Variants in PUS7 observed in about 807,000 individuals in gnomAD.
The protein encoded by PUS7 is pseudouridine synthase 7, also known as pseudouridylate synthase 7 homolog.
A neutral mutation model predicts 79.8 loss-of-function variants in PUS7; 48 were observed. That is an observed-to-expected ratio of 0.60 (90% CI 0.48 to 0.76). The LOEUF (loss-of-function observed/expected upper bound fraction) is 0.76, where lower values mean the gene tolerates loss of function less well. Ranked by LOEUF, PUS7 falls within the 30% of genes least tolerant of loss-of-function variation. The pLI is 0.00. For missense variants in PUS7, 729 were observed against 797.6 expected, an observed-to-expected ratio of 0.91 and a Z score of 1.04; for synonymous variants, 286 against 272.2, an observed-to-expected ratio of 1.05 and a Z score of -0.50.
chr7:105,468,087 C>T (rs113870514), intron 12 of PUS7, among the ~76,000 whole-genome samples: 33 of 152,192 alleles, frequency 2.2e-4, no homozygotes, highest in Non-Finnish European at 3.5e-4. Context: ...CATGCACCAC[C>T]ACACCCAGCT....
chr7:105,494,497 C>T (rs1824925152), intron 6 of PUS7, among the ~76,000 whole-genome samples: 1 of 146,772 alleles, frequency 6.8e-6, no homozygotes, highest in South Asian at 2.2e-4. Flanking sequence ...GCAACCTCTG[C>T]TTCCCAGGTT....
chr7:105,505,003 A>ATTTTTTTTTTTTTTT (rs112752687), intron 4 of PUS7, among the ~76,000 whole-genome samples: 67 of 142,624 alleles, frequency 4.7e-4, no homozygotes, highest in South Asian at 1.8e-3. Flanking sequence ...ATTTAACATA[A>ATTTTTTTTTTTTTTT]TTTTTTTTTT....
chr7:105,510,464 A>G (rs1825658974), intron 1 of PUS7, among the ~76,000 whole-genome samples: 1 of 152,198 alleles, frequency 6.6e-6, no homozygotes, highest in Non-Finnish European at 1.5e-5. Context: ...ATTGCCTAAC[A>G]ATGTGAATAC....
intron 2 of PUS7, among the ~76,000 whole-genome samples, 178 bp from the exon 3 acceptor site, chr7:105,506,451 C>A (rs1825464516): frequency 1.3e-5 from 2 of 151,050 alleles, no homozygotes; most frequent in African/African-American, 4.9e-5. Context: ...GAGATGGAGC[C>A]TTGCTCTGTT....
In PUS7 at chr7:105,457,802, G is replaced by C; in HGVS notation, c.1974C>G (p.Thr658=). The C allele has an allele frequency of 1.2e-6, 2 of 1,613,984 alleles. No homozygotes were observed. Among genetic ancestry groups the C allele is most frequent in the Non-Finnish European group, 1.7e-6 (2 of 1,179,894 alleles). ...GACAAGGTACTGCTCAGCGAAGCCA[G>C]GTTGTATTCAGCTGCGTCTGGTTCT... is the stretch of plus-strand genomic sequence containing the variant. ...SIKNQTQLNT[T]WLR is the part of the protein sequence containing the mutation. The change falls in exon 16 of 16, where the codon ACC becomes ACG. Residue 658 remains threonine, a synonymous_variant. Transcript: ENST00000469408.
At chr7:105,499,815 T>C (rs1249452667) in intron 5 of PUS7, among the ~76,000 whole-genome samples, 1 of 152,186 alleles carries the variant, frequency 6.6e-6, no homozygotes, top group Non-Finnish European at 1.5e-5. Flanking sequence ...AAAAAAAAAC[T>C]GTAAATTACA....
intron 1 of PUS7, among the ~76,000 whole-genome samples, chr7:105,517,863 C>G (rs927426135): frequency 1.3e-5 from 2 of 152,044 alleles, no homozygotes; most frequent in Admixed American, 6.6e-5. Context: ...AAAAATTAGC[C>G]AGGCAGCTGG....
intron 4 of PUS7, 96 bp downstream of exon 4, chr7:105,505,859 T>G (rs779065531): frequency 4.0e-6 from 4 of 1,011,102 alleles, no homozygotes; most frequent in Non-Finnish European, 5.9e-6. Flanking sequence ...AGTCACCCTT[T>G]GTTAACCATT....
chr7:105,473,866 CA>C (rs1203789498), intron 9 of PUS7, among the ~76,000 whole-genome samples: 1 of 152,256 alleles, frequency 6.6e-6, no homozygotes, highest in Non-Finnish European at 1.5e-5. Context: ...TATATGCTTT[CA>C]AAAAACTGAA....
chr7:105,503,027 T>C (rs1227950227), intron 4 of PUS7, among the ~76,000 whole-genome samples: 2 of 152,202 alleles, frequency 1.3e-5, no homozygotes, highest in Non-Finnish European at 1.5e-5. Context: ...CTTCCCAATA[T>C]TGCAAATCCC....
chr7:105,498,336 T>C (rs1437252670), intron 5 of PUS7, among the ~76,000 whole-genome samples: 1 of 152,254 alleles, frequency 6.6e-6, no homozygotes, highest in African/African-American at 2.4e-5. Flanking sequence ...AAGCAGCATA[T>C]ACTTAGCTTT....
chr7:105,476,123 C>CAAAAAAAAAAAAA (rs958626613), intron 9 of PUS7, among the ~76,000 whole-genome samples: 5 of 39,174 alleles, frequency 1.3e-4, no homozygotes, highest in Non-Finnish European at 3.3e-4. Context: ...GACTCCGTCT[C>CAAAAAAAAAAAAA]AAAAAAAAAA....
rs144251999 is a variant in PUS7, at chr7:105,518,614, A to G, written c.-33+3438T>C. Among the ~76,000 whole-genome samples, 235 of 152,144 alleles carry G rather than the reference A, an allele frequency of 1.5e-3. 1 individual carries two copies. The highest frequency in any genetic ancestry group is 5.5e-3 in the African/African-American group (229 of 41,512). On this transcript the variant is annotated intron_variant, in intron 1 of 15. Transcript: ENST00000469408. ...ACAGGGTTTTGCCATGTTGCCCACT[A>G]GTCTCAAACTCCTGAGCTCAAGTGA... is the stretch of plus-strand genomic sequence containing the variant.
intron 12 of PUS7, among the ~76,000 whole-genome samples, chr7:105,466,217 C>A (rs1023178608): frequency 3.3e-5 from 5 of 151,850 alleles, no homozygotes; most frequent in Non-Finnish European, 7.4e-5. Context: ...TTCTACTCTA[C>A]CCAAGAAATA....
In PUS7 at chr7:105,456,589, A is replaced by C. The variant is rs972029706; in HGVS notation, c.*1201T>G. ...AAATATTTATTACATTTGTTTCTAGAAATCATAGAAAATAAAAATTGATAC... is the reference window on the plus strand; with the variant it reads ...AAATATTTATTACATTTGTTTCTAGCAATCATAGAAAATAAAAATTGATAC... On this transcript the variant is annotated 3_prime_UTR_variant, in exon 16 of 16. Transcript: ENST00000469408. The C allele has an allele frequency of 6.6e-6, 1 of 152,180 alleles. No individual in the cohort carries two copies. The highest frequency in any genetic ancestry group is 2.1e-4 in the South Asian group (1 of 4,834). 9.4% of individuals were successfully genotyped at this position (152,180 alleles called of 1,614,324 possible).
chr7:105,487,875 T>C (rs1265863798), intron 7 of PUS7, among the ~76,000 whole-genome samples: 6 of 152,336 alleles, frequency 3.9e-5, no homozygotes, highest in East Asian at 1.9e-4. Flanking sequence ...TAGAGTTTCA[T>C]GAAGCTGAAA....
intron 9 of PUS7, among the ~76,000 whole-genome samples, chr7:105,474,398 T>G (rs926604179): frequency 2.6e-5 from 4 of 152,114 alleles, no homozygotes; most frequent in African/African-American, 4.8e-5. Context: ...TAGCCAATAC[T>G]GACAAAAAGA....
intron 9 of PUS7, among the ~76,000 whole-genome samples, chr7:105,473,797 G>T (rs1823972480): frequency 6.6e-6 from 1 of 151,490 alleles, no homozygotes; most frequent in Non-Finnish European, 1.5e-5. Flanking sequence ...CAAGTGATCA[G>T]CCCGCCTTGG....
intron 4 of PUS7, among the ~76,000 whole-genome samples, chr7:105,505,615 T>C (rs1349677288): frequency 6.6e-6 from 1 of 152,182 alleles, no homozygotes; most frequent in Non-Finnish European, 1.5e-5. Context: ...TCAGAGATGA[T>C]GTCTCACTAT....
Sources: gnomAD v4.1 joint callset for allele counts (sites outside exome capture counted in the v4.1 genomes callset) on GRCh38, gnomAD v4.1.1 for gene constraint, MANE v1.5 for transcripts, NCBI Gene and HGNC (gene_info 2026-07-23, HGNC 2026-07-21) for gene names.